The following RTL9 variants were observed in gnomAD, a reference collection of about 807,000 sequenced individuals.
The protein encoded by RTL9 is retrotransposon Gag like 9, also known as retrotransposon Gag-like protein 9.
RTL9 carries 19 observed loss-of-function variants against 44.7 expected under a neutral mutation model. The observed-to-expected ratio is 0.42, with a 90% CI of 0.30 to 0.62. RTL9 has a LOEUF of 0.62. RTL9 is among the 20% of genes least tolerant of loss of function. RTL9 has a pLI of 0.16. For synonymous variants in RTL9, 407 were observed against 398.9 expected (o/e 1.02, Z -0.24); for missense variants, 1,105 against 1,080.6 (o/e 1.02, Z -0.32).
exon 1 of RTL9, chrX:110,419,057 G>C (rs12396245): frequency 8.9e-6 from 1 of 111,759 alleles, no homozygotes; most frequent in Non-Finnish European, 1.9e-5. Flanking sequence ...CGATTTGGAA[G>C]GCAAAGGGCC....
chrX:110,416,059 A>G (rs1433064667), upstream of RTL9, among the ~76,000 whole-genome samples: 1 of 110,666 alleles, frequency 9.0e-6, no homozygotes, highest in African/African-American at 3.3e-5. Flanking sequence ...CTCTGCCTTA[A>G]TTGGGTGCTT....
At chrX:110,375,400 A>G (rs1355049061) in intron 1 of RTL9, among the ~76,000 whole-genome samples, 1 of 111,941 alleles carries the variant, frequency 8.9e-6, no homozygotes, top group Non-Finnish European at 1.9e-5. Context: ...CATTGAGGCT[A>G]GTTTCCTCCT....
chrX:110,445,737 G>T (rs2068904678), upstream of RTL9, among the ~76,000 whole-genome samples: 1 of 112,144 alleles, frequency 8.9e-6, no homozygotes, highest in Non-Finnish European at 1.9e-5. Context: ...TGAGCAGCTA[G>T]CCATGCAATC....
chrX:110,372,188 G>A (rs950717502), intron 1 of RTL9, among the ~76,000 whole-genome samples: 2 of 112,118 alleles, frequency 1.8e-5, no homozygotes, highest in Non-Finnish European at 3.8e-5. Context: ...ATTGTTTCCT[G>A]GCCAAGTAGA....
chrX:110,410,731 C>T (rs1569424236), intron 1 of RTL9, among the ~76,000 whole-genome samples: 1 of 111,232 alleles, frequency 9.0e-6, no homozygotes. Flanking sequence ...GGTCAAGCTG[C>T]GTTGGTGGTG....
intron 1 of RTL9, among the ~76,000 whole-genome samples, chrX:110,367,715 G>A (rs894868354): frequency 9.0e-6 from 1 of 110,812 alleles, no homozygotes; most frequent in Non-Finnish European, 1.9e-5. Flanking sequence ...CCATTCTTCT[G>A]GTTATTTAGG....
chrX:110,402,337 G>T (rs938993028), intron 1 of RTL9, among the ~76,000 whole-genome samples: 1 of 113,081 alleles, frequency 8.8e-6, no homozygotes, highest in Non-Finnish European at 1.9e-5. Context: ...CAATTCCTTT[G>T]AGTCAAATTG....
chrX:110,377,604 A>G, intron 1 of RTL9, among the ~76,000 whole-genome samples: 1 of 111,846 alleles, frequency 8.9e-6, no homozygotes, highest in Non-Finnish European at 1.9e-5. Flanking sequence ...CTGGTGGAAC[A>G]TTTCTTTTGC....
At chrX:110,391,601 T>C (rs2068494004) in intron 1 of RTL9, among the ~76,000 whole-genome samples, 1 of 112,195 alleles carries the variant, frequency 8.9e-6, no homozygotes, top group Non-Finnish European at 1.9e-5. Context: ...TTTAGGAATG[T>C]CTTCTGCTGT....
At chrX:110,454,010 G>A (rs766874446) in exon 1 of RTL9, 7 of 1,211,964 alleles carry the variant, frequency 5.8e-6, no homozygotes, top group South Asian at 3.5e-5. Flanking sequence ...CTGAAACTGC[G>A]AAACCACCAC....
intron 1 of RTL9, among the ~76,000 whole-genome samples, chrX:110,410,645 C>T (rs762702469): frequency 8.9e-6 from 1 of 111,974 alleles, no homozygotes; most frequent in East Asian, 2.8e-4. Context: ...GGGGTAGCAG[C>T]TTTCCACAGA....
In RTL9 at chrX:110,367,823, T is replaced by G. The variant is rs187657313; in HGVS notation, c.-168+8907T>G. ...AGCTGAATAGTTAAAAATTTATTTG[T>G]TTAGAAACAGCATCTCACACTGTCA... is the stretch of plus-strand genomic sequence containing the variant. On this transcript the variant is annotated intron_variant, in intron 1 of 2. Coordinates refer to the RTL9 transcript ENST00000520821. Among the ~76,000 whole-genome samples, 177 of 109,731 alleles carry G rather than the reference T, an allele frequency of 1.6e-3. No individual in the cohort carries two copies. The Middle Eastern group carries it at 0.019, about 12-fold the overall frequency.
chrX:110,451,330 A>T, exon 1 of RTL9: 1 of 1,211,856 alleles, frequency 8.3e-7, no homozygotes, highest in Non-Finnish European at 1.1e-6. Flanking sequence ...ACAGATGAAG[A>T]CACCGAAGCA....
At chrX:110,383,231 C>T (rs1307978256) in intron 1 of RTL9, among the ~76,000 whole-genome samples, 1 of 111,095 alleles carries the variant, frequency 9.0e-6, no homozygotes, top group Non-Finnish European at 1.9e-5. Context: ...GGTCTTCTTC[C>T]CAGGAGGCTT....
intron 1 of RTL9, among the ~76,000 whole-genome samples, chrX:110,412,918 A>T (rs142950922): frequency 0.039 from 4,337 of 112,159 alleles, 214 homozygotes; most frequent in African/African-American, 0.14. Flanking sequence ...AGCAATAATT[A>T]GAGTTGTTTG....
exon 1 of RTL9, chrX:110,452,827 A>G (rs1414316722): frequency 8.3e-7 from 1 of 1,210,723 alleles, no homozygotes; most frequent in East Asian, 3.0e-5. Flanking sequence ...TCGCCCATGA[A>G]GTCCATGACC....
At chrX:110,438,002 G>A (rs73542224) in intron 1 of RTL9, among the ~76,000 whole-genome samples, 22 of 111,403 alleles carry the variant, frequency 2.0e-4, no homozygotes, top group African/African-American at 5.9e-4. Flanking sequence ...CCCCAAATCC[G>A]TAGTCTCTGC....
chrX:110,443,096 A>G (rs2068891476), intron 1 of RTL9, among the ~76,000 whole-genome samples: 1 of 112,221 alleles, frequency 8.9e-6, no homozygotes, highest in Non-Finnish European at 1.9e-5. Context: ...ACTATGTGCC[A>G]GATTCTTTAC....
At chrX:110,451,229 C>T (rs750334450) in exon 1 of RTL9, 3 of 1,211,558 alleles carry the variant, frequency 2.5e-6, no homozygotes, top group Admixed American at 2.2e-5. Flanking sequence ...GAGAGTTATC[C>T]CCAATTCTAA....
Sources: gnomAD v4.1 joint callset for allele counts (sites outside exome capture counted in the v4.1 genomes callset) on GRCh38, gnomAD v4.1.1 for gene constraint, MANE v1.5 for transcripts, NCBI Gene and HGNC (gene_info 2026-07-23, HGNC 2026-07-21) for gene names.